Variants in ASIC2 observed in about 807,000 individuals in gnomAD.
ASIC2 encodes the protein acid-sensing ion channel 2.
Under a neutral mutation model 57.3 loss-of-function variants are expected in ASIC2, and 25 were observed. The ratio of observed to expected loss-of-function variants is 0.44; its 90% confidence interval spans 0.32 to 0.61. ASIC2 has a LOEUF of 0.61. Ranked by LOEUF, ASIC2 falls within the 20% of genes least tolerant of loss-of-function variation. The probability of loss-of-function intolerance (pLI) is 0.06; values close to 1 mark genes in which losing one functional copy is unlikely to be tolerated. For missense variants in ASIC2, 641 were observed against 738.1 expected (o/e 0.87, Z 1.52); for synonymous variants, 319 against 307.5 (o/e 1.04, Z -0.39).
chr17:34,082,295 T>G (rs1909915144), intron 1 of ASIC2: 2 of 152,220 alleles, frequency 1.3e-5, no homozygotes, highest in African/African-American at 2.4e-5. Flanking sequence ...TGGAATTTTA[T>G]GTACAGAATT....
At chr17:33,855,346 A>G (rs892146939) in intron 1 of ASIC2, among the ~76,000 whole-genome samples, 1 of 152,144 alleles carries the variant, frequency 6.6e-6, no homozygotes, top group Non-Finnish European at 1.5e-5. Flanking sequence ...AGTTGGACGC[A>G]ATTCTTGGTT....
At chr17:34,136,859 C>G (rs1023940731) in intron 1 of ASIC2, among the ~76,000 whole-genome samples, 3 of 152,206 alleles carry the variant, frequency 2.0e-5, no homozygotes, top group African/African-American at 7.2e-5. Context: ...TCCCTCACAG[C>G]CTGTCTCTGG....
At chr17:33,318,424 C>T (rs968612362) in intron 1 of ASIC2, among the ~76,000 whole-genome samples, 1 of 152,156 alleles carries the variant, frequency 6.6e-6, no homozygotes, top group Admixed American at 6.5e-5. Context: ...AGGTCCTAAT[C>T]TGCACTCAGC....
intron 1 of ASIC2, among the ~76,000 whole-genome samples, chr17:33,971,215 C>T (rs527404279): frequency 3.3e-5 from 5 of 152,116 alleles, no homozygotes; most frequent in East Asian, 1.9e-4. Context: ...GCTGTGCTAG[C>T]GGCACACCAG....
At chr17:33,457,319 A>G (rs1193815262) in intron 1 of ASIC2, among the ~76,000 whole-genome samples, 1 of 151,868 alleles carries the variant, frequency 6.6e-6, no homozygotes, top group African/African-American at 2.4e-5. Context: ...TGAGAAGTTA[A>G]GCATTCATCA....
At chr17:33,176,216 C>A (rs1247929665) in intron 1 of ASIC2, among the ~76,000 whole-genome samples, 1 of 152,220 alleles carries the variant, frequency 6.6e-6, no homozygotes, top group African/African-American at 2.4e-5. Context: ...GTAACACTGT[C>A]CAAGCTGCCT....
intron 1 of ASIC2, among the ~76,000 whole-genome samples, chr17:33,615,534 C>T (rs983267400): frequency 1.3e-5 from 2 of 152,106 alleles, no homozygotes; most frequent in African/African-American, 2.4e-5. Context: ...TTGAAGGACT[C>T]CCACTGCTAA....
At chr17:33,297,294 T>C (rs1389246090), upstream of ASIC2, among the ~76,000 whole-genome samples, 1 of 152,204 alleles carries the variant, frequency 6.6e-6, no homozygotes, top group African/African-American at 2.4e-5. Context: ...CCTCCAGCCC[T>C]GTGGAGTATA....
chr17:33,696,200 G>T (rs1234912215), intron 1 of ASIC2, among the ~76,000 whole-genome samples: 1 of 149,560 alleles, frequency 6.7e-6, no homozygotes, highest in African/African-American at 2.5e-5. Flanking sequence ...CTAGGTCACT[G>T]GGTCAGCATC....
intron 1 of ASIC2, among the ~76,000 whole-genome samples, chr17:33,623,830 T>G (rs993733391): frequency 6.6e-6 from 1 of 152,066 alleles, no homozygotes; most frequent in African/African-American, 2.4e-5. Flanking sequence ...CCTAGAGAGA[T>G]AGTCCAAGCT....
intron 1 of ASIC2, among the ~76,000 whole-genome samples, chr17:33,988,342 A>C (rs1462320453): frequency 1.3e-5 from 2 of 152,164 alleles, no homozygotes; most frequent in Non-Finnish European, 2.9e-5. Flanking sequence ...TGCTGTTCTC[A>C]TGATAGTGAA....
intron 1 of ASIC2, among the ~76,000 whole-genome samples, chr17:33,441,195 T>C (rs1014456737): frequency 2.6e-5 from 4 of 152,170 alleles, no homozygotes; most frequent in African/African-American, 7.2e-5. Flanking sequence ...AGTTTGGTCT[T>C]GAATTCCTGG....
intron 1 of ASIC2, among the ~76,000 whole-genome samples, chr17:33,625,018 G>A (rs1905927812): frequency 6.6e-6 from 1 of 152,240 alleles, no homozygotes; most frequent in Admixed American, 6.5e-5. Flanking sequence ...ACACCCTTGT[G>A]TGGATCCCTT....
At chr17:33,761,833 G>A (rs1910790337) in intron 1 of ASIC2, among the ~76,000 whole-genome samples, 1 of 123,654 alleles carries the variant, frequency 8.1e-6, no homozygotes, top group Non-Finnish European at 1.8e-5. Flanking sequence ...CCCAGCGCAA[G>A]GGCTTTTTTT....
intron 1 of ASIC2, among the ~76,000 whole-genome samples, chr17:33,198,980 A>T (rs372792400): frequency 7.2e-5 from 11 of 152,208 alleles, no homozygotes; most frequent in African/African-American, 2.7e-4. Flanking sequence ...ATCTGTCATT[A>T]AACAGCCTTC....
At chr17:33,016,167 G>A in intron 8 of ASIC2, 128 bp from the exon 9 acceptor site, 2 of 770,910 alleles carry the variant, frequency 2.6e-6, no homozygotes, top group Admixed American at 2.6e-5. Flanking sequence ...CGTAGCACAA[G>A]CCCAGCCTGG....
At chr17:33,649,428 G>A (rs1317146140) in intron 1 of ASIC2, among the ~76,000 whole-genome samples, 3 of 152,156 alleles carry the variant, frequency 2.0e-5, no homozygotes, top group Admixed American at 6.5e-5. Flanking sequence ...CCATGTTCAC[G>A]GATTGAAAAA....
At chr17:33,134,762 C>A (rs973656289) in intron 1 of ASIC2, among the ~76,000 whole-genome samples, 2 of 152,226 alleles carry the variant, frequency 1.3e-5, no homozygotes, top group African/African-American at 2.4e-5. Context: ...GCTCCCATGG[C>A]TTGTGGTGTC....
intron 1 of ASIC2, among the ~76,000 whole-genome samples, chr17:33,229,688 G>T (rs1908017978): frequency 1.3e-5 from 2 of 152,202 alleles, no homozygotes; most frequent in Admixed American, 1.3e-4. Context: ...GCCGGAGCCT[G>T]GGACGCATGG....
Sources: gnomAD v4.1 joint callset for allele counts (sites outside exome capture counted in the v4.1 genomes callset) on GRCh38, gnomAD v4.1.1 for gene constraint, MANE v1.5 for transcripts, NCBI Gene and HGNC (gene_info 2026-07-23, HGNC 2026-07-21) for gene names.